Variants in CTNNA2 observed in about 807,000 individuals in gnomAD.
CTNNA2 encodes the protein catenin alpha 2.
CTNNA2 carries 42 observed loss-of-function variants against 101.0 expected under a neutral mutation model. That is an observed-to-expected ratio of 0.42 (90% CI 0.32 to 0.54). The LOEUF (loss-of-function observed/expected upper bound fraction) is 0.54, where lower values mean the gene tolerates loss of function less well. Ranked by LOEUF, CTNNA2 falls within the 20% of genes least tolerant of loss-of-function variation. The pLI is 0.14. For missense variants in CTNNA2, 871 were observed against 1,223.1 expected, an observed-to-expected ratio of 0.71 and a Z score of 4.29; for synonymous variants, 450 against 456.4, an observed-to-expected ratio of 0.99 and a Z score of 0.18.
At chr2:80,339,705 G>C (rs1301455074) in intron 7 of CTNNA2, among the ~76,000 whole-genome samples, 1 of 152,174 alleles carries the variant, frequency 6.6e-6, no homozygotes, top group Non-Finnish European at 1.5e-5. Flanking sequence ...CTTCATGGTG[G>C]TCAATGAATT....
At chr2:80,309,358 C>T (rs986603979) in intron 7 of CTNNA2, among the ~76,000 whole-genome samples, 2 of 152,180 alleles carry the variant, frequency 1.3e-5, no homozygotes, top group Non-Finnish European at 2.9e-5. Flanking sequence ...CTCTATAAAG[C>T]AATCCCTTTT....
chr2:80,477,463 T>G (rs1281493253), intron 9 of CTNNA2, among the ~76,000 whole-genome samples: 2 of 152,134 alleles, frequency 1.3e-5, no homozygotes, highest in East Asian at 1.9e-4. Context: ...ATCTCCAGAA[T>G]AGTGTACATT....
At chr2:79,829,697 TTTATTTATTTA>T (rs1558560286) in intron 3 of CTNNA2, among the ~76,000 whole-genome samples, 1 of 7,300 alleles carries the variant, frequency 1.4e-4, no homozygotes, top group African/African-American at 2.9e-4. Context: ...TTCTTTCTTA[TTTATTTATTTA>T]TTTATTTATT....
At chr2:80,430,574 C>T (rs1681400327) in intron 9 of CTNNA2, among the ~76,000 whole-genome samples, 1 of 152,094 alleles carries the variant, frequency 6.6e-6, no homozygotes, top group Non-Finnish European at 1.5e-5. Context: ...CCTTACCTGC[C>T]TACCCTCACC....
At chr2:79,441,472 C>T (rs968959175) in intron 4 of CTNNA2, among the ~76,000 whole-genome samples, 5 of 152,112 alleles carry the variant, frequency 3.3e-5, no homozygotes, top group Admixed American at 6.6e-5. Context: ...CCATCATATA[C>T]CCAGGGACTG....
At chr2:79,410,895 C>A (rs570042505) in intron 4 of CTNNA2, among the ~76,000 whole-genome samples, 1 of 152,056 alleles carries the variant, frequency 6.6e-6, no homozygotes, top group South Asian at 2.1e-4. Context: ...TTCCTTGTAC[C>A]TCTGGTAGAA....
intron 1 of CTNNA2, among the ~76,000 whole-genome samples, chr2:79,195,274 C>G (rs1028594911): frequency 9.9e-5 from 15 of 152,270 alleles, no homozygotes; most frequent in African/African-American, 3.4e-4. Context: ...AGAAATAGCA[C>G]CAAATGCAGA....
At chr2:79,545,628 T>A (rs909444167) in intron 1 of CTNNA2, among the ~76,000 whole-genome samples, 7 of 151,972 alleles carry the variant, frequency 4.6e-5, no homozygotes, top group East Asian at 1.9e-4. Context: ...TTTCTTTTTT[T>A]AAAAAAAATA....
intron 2 of CTNNA2, among the ~76,000 whole-genome samples, chr2:79,743,539 T>A (rs560001602): frequency 0.011 from 1,642 of 150,842 alleles, 30 homozygotes; most frequent in African/African-American, 0.038. Context: ...TTTATTTATT[T>A]TTTTTTTTTT....
chr2:79,380,899 C>T (rs1678031520), intron 4 of CTNNA2, among the ~76,000 whole-genome samples: 2 of 152,148 alleles, frequency 1.3e-5, no homozygotes, highest in Non-Finnish European at 2.9e-5. Flanking sequence ...GGGTTGTACT[C>T]TCCAAAGCTG....
chr2:80,579,035 A>C (rs897684620), intron 13 of CTNNA2: 1 of 152,122 alleles, frequency 6.6e-6, no homozygotes, highest in Admixed American at 6.6e-5. Context: ...CAGAAAGTGC[A>C]TATAGCAATT....
intron 7 of CTNNA2, among the ~76,000 whole-genome samples, chr2:80,076,474 G>A (rs1309411769): frequency 6.6e-6 from 1 of 151,720 alleles, no homozygotes; most frequent in African/African-American, 2.4e-5. Flanking sequence ...GTAAAACAGA[G>A]ATCTCACTAT....
chr2:79,209,891 C>T (rs368156078), intron 2 of CTNNA2, among the ~76,000 whole-genome samples: 5 of 152,060 alleles, frequency 3.3e-5, no homozygotes, highest in African/African-American at 1.2e-4. Flanking sequence ...TATTAAAATG[C>T]CCTACCTAGC....
chr2:79,413,934 C>CATATATATATAT (rs70940033), intron 4 of CTNNA2, among the ~76,000 whole-genome samples: 1 of 140,268 alleles, frequency 7.1e-6, no homozygotes, highest in Non-Finnish European at 1.5e-5. Flanking sequence ...GAGCTGAATT[C>CATATATATATAT]ATATATATAT....
At chr2:79,544,082 C>T (rs765048454) in intron 1 of CTNNA2, among the ~76,000 whole-genome samples, 2 of 151,996 alleles carry the variant, frequency 1.3e-5, no homozygotes, top group Non-Finnish European at 2.9e-5. Context: ...AGACTACAGG[C>T]GTGCGCCACC....
At chr2:79,585,989 G>T (rs1676461428) in intron 1 of CTNNA2, among the ~76,000 whole-genome samples, 1 of 152,074 alleles carries the variant, frequency 6.6e-6, no homozygotes, top group Non-Finnish European at 1.5e-5. Context: ...ACCTAAAAAA[G>T]ACTCAGAAAA....
chr2:79,638,667 A>G (rs1161202738), intron 1 of CTNNA2, among the ~76,000 whole-genome samples: 2 of 152,200 alleles, frequency 1.3e-5, no homozygotes, highest in Non-Finnish European at 2.9e-5. Flanking sequence ...AAACTGCATG[A>G]GGCAGGTCTA....
intron 7 of CTNNA2, among the ~76,000 whole-genome samples, chr2:80,331,520 A>G (rs1455817792): frequency 6.6e-6 from 1 of 152,082 alleles, no homozygotes; most frequent in African/African-American, 2.4e-5. Flanking sequence ...GAGGACCATA[A>G]TTGCTGGTTG....
chr2:79,951,154 A>C (rs915047069), intron 7 of CTNNA2, among the ~76,000 whole-genome samples: 1 of 152,338 alleles, frequency 6.6e-6, no homozygotes, highest in South Asian at 2.1e-4. Flanking sequence ...TCTAACTATA[A>C]TTTCACAAAC....
Sources: allele counts gnomAD v4.1 joint callset (sites outside exome capture counted in the v4.1 genomes callset), GRCh38; gene constraint gnomAD v4.1.1; transcripts MANE v1.5; gene names NCBI Gene and HGNC (gene_info 2026-07-23, HGNC 2026-07-21).